The following PDE6D variants were observed in gnomAD, a reference collection of about 807,000 sequenced individuals.
PDE6D encodes phosphodiesterase 6D.
A neutral mutation model predicts 21.9 loss-of-function variants in PDE6D; 10 were observed. The ratio of observed to expected loss-of-function variants is 0.46; its 90% CI spans 0.28 to 0.78. The LOEUF (loss-of-function observed/expected upper bound fraction) is 0.78. PDE6D is among the 30% of genes least tolerant of loss of function. PDE6D has a pLI of 0.12. For missense variants in PDE6D, 139 were observed against 184.8 expected (o/e 0.75, Z 1.44); for synonymous variants, 59 against 63.5 (o/e 0.93, Z 0.34).
intron 1 of PDE6D, among the ~76,000 whole-genome samples, chr2:231,774,900 T>C (rs2049042618): frequency 6.7e-6 from 1 of 149,938 alleles, no homozygotes; most frequent in South Asian, 2.1e-4. Flanking sequence ...ATCTTTTTTT[T>C]TTTTAATAAA....
intron 1 of PDE6D, among the ~76,000 whole-genome samples, chr2:231,764,865 A>ATT (rs1469621315): frequency 6.6e-6 from 1 of 152,240 alleles, no homozygotes; most frequent in African/African-American, 2.4e-5. Flanking sequence ...TGACACTCAA[A>ATT]TATGTGTTGA....
intron 1 of PDE6D, among the ~76,000 whole-genome samples, chr2:231,762,714 A>C (rs142037077): frequency 1.0e-3 from 158 of 152,300 alleles, no homozygotes; most frequent in African/African-American, 3.6e-3. Flanking sequence ...TAATGGACGT[A>C]GAAGGCTTGT....
intron 4 of PDE6D, among the ~76,000 whole-genome samples, chr2:231,733,693 G>C (rs573334376): frequency 6.6e-6 from 1 of 152,006 alleles, no homozygotes; most frequent in Non-Finnish European, 1.5e-5. Context: ...CTTCCAAGCC[G>C]CCCAGCTCTC....
At chr2:231,774,747 T>C (rs1355595757) in intron 1 of PDE6D, among the ~76,000 whole-genome samples, 5 of 151,810 alleles carry the variant, frequency 3.3e-5, no homozygotes, top group African/African-American at 7.2e-5. Flanking sequence ...GTCCACACCA[T>C]GCCCAGCTAA....
chr2:231,738,488 T>C (rs2048721645), intron 2 of PDE6D, among the ~76,000 whole-genome samples: 1 of 152,206 alleles, frequency 6.6e-6, no homozygotes, highest in African/African-American at 2.4e-5. Context: ...TTCCTTCTTC[T>C]TTACTTCAGG....
chr2:231,780,583 G>A (rs1275724673), intron 1 of PDE6D, among the ~76,000 whole-genome samples: 1 of 152,120 alleles, frequency 6.6e-6, no homozygotes, highest in African/African-American at 2.4e-5. Flanking sequence ...TAAAAGCACT[G>A]GTATTTGTCC....
intron 1 of PDE6D, among the ~76,000 whole-genome samples, chr2:231,748,920 A>T (rs372310794): frequency 6.6e-6 from 1 of 152,166 alleles, no homozygotes. Context: ...TGGAGTTTAG[A>T]TGTATGGAAA....
chr2:231,743,654 C>G (rs1266964516), intron 1 of PDE6D, among the ~76,000 whole-genome samples: 1 of 152,072 alleles, frequency 6.6e-6, no homozygotes, highest in African/African-American at 2.4e-5. Flanking sequence ...CATCTCCAGA[C>G]AGTGCCGTTC....
chr2:231,738,212 G>A, intron 2 of PDE6D, 74 bp from the exon 3 acceptor site: 1 of 1,421,300 alleles, frequency 7.0e-7, no homozygotes, highest in Non-Finnish European at 9.6e-7. Context: ...AAATTTCTGG[G>A]AGCTTCTTAC....
At chr2:231,772,510 C>A (rs1475921424) in intron 1 of PDE6D, among the ~76,000 whole-genome samples, 1 of 152,172 alleles carries the variant, frequency 6.6e-6, no homozygotes, top group Non-Finnish European at 1.5e-5. Context: ...CGCATTCAAG[C>A]AATTATTAGA....
intron 1 of PDE6D, among the ~76,000 whole-genome samples, chr2:231,762,987 G>A (rs559534695): frequency 6.6e-6 from 1 of 152,058 alleles, no homozygotes. Flanking sequence ...GCATTTGGTG[G>A]TATGCTCCAT....
At chr2:231,746,140 T>C (rs1236700855) in intron 1 of PDE6D, among the ~76,000 whole-genome samples, 1 of 152,140 alleles carries the variant, frequency 6.6e-6, no homozygotes, top group Non-Finnish European at 1.5e-5. Flanking sequence ...TTAATTTTTA[T>C]TTTACTTTAT....
intron 4 of PDE6D, among the ~76,000 whole-genome samples, chr2:231,736,552 A>G (rs1048126474): frequency 6.6e-6 from 1 of 152,218 alleles, no homozygotes; most frequent in Non-Finnish European, 1.5e-5. Context: ...GGAGGTAGGA[A>G]GTTATTGACA....
At chr2:231,775,654 G>C (rs942261848) in intron 1 of PDE6D, among the ~76,000 whole-genome samples, 14 of 152,040 alleles carry the variant, frequency 9.2e-5, no homozygotes, top group Non-Finnish European at 1.9e-4. Flanking sequence ...GGTTGAGCAT[G>C]TCCTCATTTA....
At position 231,739,980 on chromosome 2, in the gene PDE6D, TAAAAG is replaced by T. The variant is rs1179707577; in HGVS notation, c.51-797_51-793del. 6.6e-6 allele frequency among the ~76,000 whole-genome samples: 1 copy of T among 151,394 alleles called. No individual in the cohort carries two copies. Among genetic ancestry groups the T allele is most frequent in the African/African-American group, 2.4e-5 (1 of 41,200 alleles). On this transcript the variant is annotated intron_variant, in intron 1 of 4. Transcript: ENST00000287600. This position sits in a 1 kb window ranked among gnomAD's most constrained non-coding sequence, Gnocchi z 4.2. ...TTATGAAAGACAGACCAAAACAAACTAAAAGAAAAAAGTAACTTAGAAGAATAAAG... is the reference window on the plus strand; with the variant it reads ...TTATGAAAGACAGACCAAAACAAACTAAAAAAGTAACTTAGAAGAATAAAG...
intron 1 of PDE6D, among the ~76,000 whole-genome samples, chr2:231,768,936 TCACCTCA>T (rs1371208040): frequency 6.6e-6 from 1 of 152,026 alleles, no homozygotes; most frequent in Non-Finnish European, 1.5e-5. Flanking sequence ...TGGCACGATC[TCACCTCA>T]CTGCAACCTC....
At chr2:231,755,405 T>G (rs1466943985) in intron 1 of PDE6D, among the ~76,000 whole-genome samples, 2 of 152,200 alleles carry the variant, frequency 1.3e-5, no homozygotes, top group Non-Finnish European at 2.9e-5. Flanking sequence ...AATTCTGATT[T>G]CAGTCATAGG....
chr2:231,741,045 G>A (rs2048744904), intron 1 of PDE6D, among the ~76,000 whole-genome samples: 1 of 143,264 alleles, frequency 7.0e-6, no homozygotes, highest in African/African-American at 2.6e-5. Context: ...GGCTGAGGCA[G>A]GAGAATCACT....
In PDE6D at chr2:231,781,175, C is replaced by G; in HGVS notation, c.-61G>C. On this transcript the variant is annotated 5_prime_UTR_variant, in exon 1 of 5. Transcript: ENST00000287600. ...GGTCGGCGGAGCCTCGCAGACGGTG[C>G]CCAGGAGCCGAGGATGGAGCCGCAG... is the stretch of plus-strand genomic sequence containing the variant. 1.2e-5 allele frequency: 18 copies of G among 1,549,010 alleles called. No individual in the cohort carries two copies. Among genetic ancestry groups the G allele is most frequent in the Non-Finnish European group, 1.6e-5 (18 of 1,125,156 alleles).
Sources: allele counts gnomAD v4.1 joint callset (sites outside exome capture counted in the v4.1 genomes callset), GRCh38; gene constraint gnomAD v4.1.1; non-coding constraint Gnocchi (gnomAD v3.1); transcripts MANE v1.5; gene names NCBI Gene and HGNC (gene_info 2026-07-23, HGNC 2026-07-21).